LAMB4: variants seen among roughly 807,000 people sequenced by gnomAD.
The protein encoded by LAMB4 is laminin subunit beta-4.
LAMB4 carries 196 observed loss-of-function variants against 199.2 expected under a neutral mutation model. That is an observed-to-expected ratio of 0.98 (90% CI 0.88 to 1.11). LAMB4 has a LOEUF of 1.11. Ranked by LOEUF, LAMB4 falls within the 50% of genes least tolerant of loss-of-function variation. The pLI, the probability that LAMB4 is intolerant of heterozygous loss-of-function variation, is 0.00. For missense variants in LAMB4, 2,080 were observed against 2,171.2 expected (o/e 0.96, Z 0.83); for synonymous variants, 744 against 770.6 (o/e 0.97, Z 0.57).
Position 108,069,762 on chromosome 7 carries a change from C to T in LAMB4, c.2248G>A (p.Ala750Thr). The T allele has an allele frequency of 6.2e-7, 1 of 1,614,008 alleles. No homozygotes were observed. The highest frequency in any genetic ancestry group is 8.5e-7 in the Non-Finnish European group (1 of 1,179,894). Residue 750 changes from alanine (A) to threonine (T), a missense_variant, in exon 18 of 34, where the codon GCC (alanine) becomes ACC (threonine). By Grantham distance (58) the Ala-to-Thr change is moderately conservative (BLOSUM62 0). Coordinates refer to ENST00000388781, the MANE Select transcript of LAMB4 (RefSeq NM_007356.3). The part of the protein sequence containing the change: ...SAMGPQVLPG[A>T]CERLIISMSA... ...ATGCTGATGATCAGCCTTTCACAGG[C>T]ACCCGGGAGCACTTGAGGTCCCATT...
At chr7:108,037,692 G>A in intron 29 of LAMB4, 97 bp from the exon 30 acceptor site, 1 of 863,142 alleles carries the variant, frequency 1.2e-6, no homozygotes, top group Non-Finnish European at 1.9e-6. Flanking sequence ...AAATGCACTT[G>A]CACTTGATTA....
chr7:108,055,559 A>T (rs923933120), intron 25 of LAMB4, 73 bp downstream of exon 25: 1 of 1,422,826 alleles, frequency 7.0e-7, no homozygotes, highest in Non-Finnish European at 9.6e-7. Context: ...TTGAAGGCTG[A>T]CGATGTTAAA....
chr7:108,053,329 C>A (rs1020569071), intron 25 of LAMB4, among the ~76,000 whole-genome samples: 1 of 152,194 alleles, frequency 6.6e-6, no homozygotes, highest in South Asian at 2.1e-4. Flanking sequence ...GCTCATGACA[C>A]CTGGGGTTCT....
At position 108,081,101 on chromosome 7, in the gene LAMB4, G is replaced by C. The variant is rs150407723; in HGVS notation, c.1702-1315C>G. On this transcript the variant is annotated intron_variant, in intron 14 of 33. Coordinates refer to ENST00000388781, the MANE Select transcript of LAMB4 (RefSeq NM_007356.3). ...CGCGCCACTGCACTCCAGCCTGGGC[G>C]ACAGAGCGAGGAATAAAATAAAATA... 6.4e-3 allele frequency among the ~76,000 whole-genome samples: 972 copies of C among 152,248 alleles called. 7 individuals are homozygous for C. Among genetic ancestry groups the C allele is most frequent in the Non-Finnish European group, 0.011 (761 of 68,026 alleles).
intron 19 of LAMB4, among the ~76,000 whole-genome samples, chr7:108,067,552 G>T (rs1188495414): frequency 6.6e-6 from 1 of 152,206 alleles, no homozygotes. Context: ...TGCAAACCTC[G>T]CATCAGAAAG....
rs567057277 is a variant in LAMB4 at position 108,094,579 on chromosome 7, T to G, written c.1470+649A>C. Among the ~76,000 whole-genome samples, 359 of 61,188 alleles carry G rather than the reference T, an allele frequency of 5.9e-3. 2 individuals are homozygous for G. The highest frequency in any genetic ancestry group is 0.014 in the African/African-American group (319 of 22,468). The allele number at this position is 61,188 out of a possible 152,430, so 40.1% of individuals were successfully genotyped here. On this transcript the variant is annotated intron_variant, in intron 12 of 33. Transcript: ENST00000388781. The stretch of plus-strand genomic sequence containing the variant: ...TTTATTAGGTTAAGATTTTGTGGGT[T>G]TTTTTTTTTTCTCTCTAAAATGTCA...
At position 108,078,192 on chromosome 7, in the gene LAMB4, G is replaced by C. The variant is rs1386048708; in HGVS notation, c.2003+9C>G. On this transcript the variant is annotated intron_variant, in intron 16 of 33. Transcript: ENST00000388781. The stretch of plus-strand genomic sequence containing the variant: ...GCTTTCAATGTTTGAGGACCGGTCT[G>C]AAACATACCTCGTAGCCGCTGGTAA... The C allele has an allele frequency of 1.3e-6, 2 of 1,567,416 alleles. No homozygotes were observed. The highest frequency in any genetic ancestry group is 4.5e-5 in the East Asian group (2 of 44,324).
At chr7:108,116,985 T>C (rs958879226) in intron 2 of LAMB4, among the ~76,000 whole-genome samples, 2 of 152,198 alleles carry the variant, frequency 1.3e-5, no homozygotes, top group Admixed American at 6.5e-5. Flanking sequence ...TATAGTGAGC[T>C]ATAATGGTGC....
chr7:108,022,987 T>G (rs1426762664), downstream of LAMB4, among the ~76,000 whole-genome samples: 1 of 152,090 alleles, frequency 6.6e-6, no homozygotes, highest in African/African-American at 2.4e-5. Context: ...GATTTTTTTG[T>G]ATTTTTAGTA....
At chr7:108,089,143 T>C (rs924136926) in intron 14 of LAMB4, among the ~76,000 whole-genome samples, 1 of 152,162 alleles carries the variant, frequency 6.6e-6, no homozygotes, top group Non-Finnish European at 1.5e-5. Context: ...CTGCTGCCAA[T>C]GGACCCCCTG....
chr7:108,103,635 C>T (rs62468035), intron 9 of LAMB4, among the ~76,000 whole-genome samples: 8,563 of 152,204 alleles, frequency 0.056, 319 homozygotes, highest in Middle Eastern at 0.099. Flanking sequence ...CTAGAGAAGA[C>T]GGCAGAGGAA....
intron 24 of LAMB4, 24 bp downstream of exon 24, chr7:108,057,808 G>A: frequency 1.3e-6 from 2 of 1,514,444 alleles, no homozygotes; most frequent in Non-Finnish European, 1.8e-6. Context: ...GTACGCATGA[G>A]TTTTTAGAAA....
intron 10 of LAMB4, among the ~76,000 whole-genome samples, chr7:108,100,480 C>G (rs1054415456): frequency 6.6e-6 from 1 of 152,094 alleles, no homozygotes; most frequent in Non-Finnish European, 1.5e-5. Context: ...TGGGGTGTCT[C>G]ATGATAGTAG....
At chr7:108,123,659 A>G (rs905326894) in intron 1 of LAMB4, among the ~76,000 whole-genome samples, 44 of 152,170 alleles carry the variant, frequency 2.9e-4, no homozygotes, top group Admixed American at 7.9e-4. Flanking sequence ...AGAGCAAGAC[A>G]CTGGGGATGG....
intron 25 of LAMB4, 24 bp downstream of exon 25, chr7:108,055,608 C>A: frequency 6.3e-7 from 1 of 1,593,732 alleles, no homozygotes; most frequent in Non-Finnish European, 8.5e-7. Flanking sequence ...GTTTGGCTGT[C>A]TGTTACTTGA....
intron 14 of LAMB4, among the ~76,000 whole-genome samples, chr7:108,083,291 G>A (rs918028299): frequency 1.6e-4 from 24 of 152,236 alleles, no homozygotes; most frequent in African/African-American, 5.5e-4. Flanking sequence ...TAGCCCAAAA[G>A]GATCTGGACC....
intron 33 of LAMB4, chr7:108,026,547 G>A (rs1405443131): frequency 5.9e-6 from 1 of 169,640 alleles, no homozygotes; most frequent in Non-Finnish European, 1.3e-5. Context: ...CCACAGAAAA[G>A]TAAGAAATGG....
At chr7:108,045,132 C>CT (rs201635016) in intron 28 of LAMB4, among the ~76,000 whole-genome samples, 15 of 146,246 alleles carry the variant, frequency 1.0e-4, no homozygotes, top group African/African-American at 3.1e-4. Flanking sequence ...AAATGTGTAT[C>CT]TTTTTTTTCA....
downstream of LAMB4, among the ~76,000 whole-genome samples, chr7:108,021,499 C>T (rs952737996): frequency 1.1e-4 from 17 of 152,192 alleles, no homozygotes; most frequent in Admixed American, 4.6e-4. Flanking sequence ...CACCTGAGTT[C>T]GGGAGTTTGA....
Sources: allele counts gnomAD v4.1 joint callset (sites outside exome capture counted in the v4.1 genomes callset), GRCh38; gene constraint gnomAD v4.1.1; transcripts MANE v1.5; gene names NCBI Gene and HGNC (gene_info 2026-07-23, HGNC 2026-07-21).